CEP290: variants seen among roughly 807,000 people sequenced by gnomAD.
CEP290 encodes the protein centrosomal protein 290.
In CEP290, 317 loss-of-function variants were observed where a neutral mutation model predicts 344.9. The observed-to-expected ratio is 0.92, with a 90% CI of 0.84 to 1.01. The LOEUF (loss-of-function observed/expected upper bound fraction) is 1.01, where lower values mean the gene tolerates loss of function less well. Among genes scored for constraint, CEP290 ranks in the 50% least tolerant of loss-of-function variants. The pLI, the probability that CEP290 is intolerant of heterozygous loss-of-function variation, is 0.00. For missense variants in CEP290, 2,754 were observed against 2,761.4 expected, an observed-to-expected ratio of 1.00 and a Z score of 0.06; for synonymous variants, 932 against 895.8, an observed-to-expected ratio of 1.04 and a Z score of -0.72.
intron 41 of CEP290, among the ~76,000 whole-genome samples, chr12:88,073,525 A>G (rs1416448309): frequency 6.6e-6 from 1 of 152,220 alleles, no homozygotes; most frequent in African/African-American, 2.4e-5. Context: ...TTATGTAAGT[A>G]GGTAGAGTTT....
Position 88,082,273 on chromosome 12 carries a change from T to C in CEP290, c.5012+758A>G, listed in dbSNP as rs116692525. On this transcript the variant is annotated intron_variant, in intron 37 of 53. Transcript: ENST00000552810. ...ATTATATGACAGACACTCTTATAAG[T>C]GTGTAATCAAAAGTTTTCTATCTGT... Among the ~76,000 whole-genome samples the C allele has an allele frequency of 9.5e-3, 1,443 of 152,354 alleles. 24 individuals are homozygous for C. Among genetic ancestry groups the C allele is most frequent in the African/African-American group, 0.032 (1,348 of 41,590 alleles).
At chr12:88,093,496 G>T in intron 28 of CEP290, 1 of 316,650 alleles carries the variant, frequency 3.2e-6, no homozygotes, top group Non-Finnish European at 5.8e-6. Flanking sequence ...GTTAAATGAA[G>T]GGATGGTGGT....
At chr12:88,068,244 A>G (rs1404693254) in intron 44 of CEP290, among the ~76,000 whole-genome samples, 2 of 152,136 alleles carry the variant, frequency 1.3e-5, no homozygotes, top group African/African-American at 4.8e-5. Flanking sequence ...CTGCTGCTAC[A>G]GCAAAATACA....
At chr12:88,122,668 G>C (rs775441642) in intron 13 of CEP290, among the ~76,000 whole-genome samples, 1 of 152,114 alleles carries the variant, frequency 6.6e-6, no homozygotes. Flanking sequence ...TGACAGCAGA[G>C]ATCAATTGCC....
At chr12:88,097,415 C>G (rs2037509817) in intron 26 of CEP290, among the ~76,000 whole-genome samples, 2 of 151,938 alleles carry the variant, frequency 1.3e-5, no homozygotes, top group Admixed American at 6.6e-5. Flanking sequence ...TTCCGGCCAC[C>G]ATGTGAAGAA....
rs781624373 is a variant in CEP290 at position 88,063,975 on chromosome 12, A to G, written c.6270+6T>C. 1 of 1,585,646 alleles carries G rather than the reference A, an allele frequency of 6.3e-7. No individual in the cohort carries two copies. The highest frequency in any genetic ancestry group is 1.4e-5 in the African/African-American group (1 of 73,608). ...TAGATTTCCTAATAAAAAACATTAA[A>G]TTCACCTTTAATCTTGGCAAATCTT... is the stretch of plus-strand genomic sequence containing the variant. On this transcript the variant is annotated splice_donor_region_variant and intron_variant, in intron 45 of 53. Coordinates refer to ENST00000552810, the MANE Select transcript of CEP290 (RefSeq NM_025114.4).
intron 30 of CEP290, 107 bp from the exon 31 acceptor site, chr12:88,089,594 G>GCGAC: frequency 4.3e-6 from 3 of 702,976 alleles, no homozygotes; most frequent in South Asian, 3.7e-5. Context: ...TAACACAGTG[G>GCGAC]CACATGAGAT....
At chr12:88,072,744 T>C (rs2035476017) in intron 41 of CEP290, among the ~76,000 whole-genome samples, 1 of 152,126 alleles carries the variant, frequency 6.6e-6, no homozygotes, top group Non-Finnish European at 1.5e-5. Context: ...TGCCAAGTAC[T>C]ACTCTAGAGG....
chr12:88,135,215 A>T (rs1460953915), intron 6 of CEP290, among the ~76,000 whole-genome samples: 1 of 152,160 alleles, frequency 6.6e-6, no homozygotes, highest in Non-Finnish European at 1.5e-5. Context: ...AAAGCAACCC[A>T]TACCCATATT....
intron 22 of CEP290, among the ~76,000 whole-genome samples, chr12:88,110,064 G>C (rs1253286895): frequency 6.6e-6 from 1 of 151,952 alleles, no homozygotes; most frequent in Admixed American, 6.6e-5. Flanking sequence ...ATGAATTACT[G>C]TAATTTCCAA....
Position 88,089,478 on chromosome 12 carries a change from C to T in CEP290, c.3583G>A (p.Asp1195Asn). ...MQLLDYQAQS[D>N]EKSLIAKLHQ... Reference sequence around the variant, plus strand: ...AACTTGGCAATGAGCGACTTTTCATCAGACTGTGCCTGATATTAAAAAAAA... The same window carrying T: ...AACTTGGCAATGAGCGACTTTTCATTAGACTGTGCCTGATATTAAAAAAAA... Residue 1195 changes from aspartate (D) to asparagine (N), a missense_variant, in exon 31 of 54, where the codon GAT becomes AAT. Physicochemically the swap from Asp to Asn is conservative, Grantham distance 23. Transcript: ENST00000552810. 8.7e-6 allele frequency: 13 copies of T among 1,495,680 alleles called. No homozygotes were observed. The highest frequency in any genetic ancestry group is 1.1e-5 in the Non-Finnish European group (12 of 1,124,352). 92.7% of individuals were successfully genotyped at this position (1,495,680 alleles called of 1,614,324 possible).
chr12:88,053,344 A>T (rs193201015), intron 52 of CEP290, among the ~76,000 whole-genome samples: 10 of 152,208 alleles, frequency 6.6e-5, no homozygotes, highest in African/African-American at 2.4e-4. Flanking sequence ...GCCTATACTT[A>T]GAAACTGGAA....
At chr12:88,082,989 C>G in intron 37 of CEP290, 42 bp downstream of exon 37, 1 of 1,150,052 alleles carries the variant, frequency 8.7e-7, no homozygotes, top group South Asian at 1.5e-5. Context: ...CATTATATCA[C>G]TTATCATTTG....
chr12:88,105,176 C>G (rs2468253), intron 25 of CEP290, among the ~76,000 whole-genome samples: 118,773 of 152,086 alleles, frequency 0.78, 50,433 homozygotes, highest in East Asian at 0.96. Context: ...ACATCTTATG[C>G]TAGAAAACAA....
chr12:88,117,490 T>C (rs187375755), intron 17 of CEP290, among the ~76,000 whole-genome samples: 1 of 152,226 alleles, frequency 6.6e-6, no homozygotes, highest in Admixed American at 6.5e-5. Flanking sequence ...AATCATGAAG[T>C]TTTTTCTTGA....
intron 27 of CEP290, among the ~76,000 whole-genome samples, 198 bp from the exon 28 acceptor site, chr12:88,094,173 A>T (rs2037260311): frequency 6.6e-6 from 1 of 151,964 alleles, no homozygotes; most frequent in Non-Finnish European, 1.5e-5. Flanking sequence ...ATCTCTGTGG[A>T]ACTTAATGTT....
chr12:88,100,735 A>C (rs2037805449), intron 26 of CEP290, among the ~76,000 whole-genome samples: 1 of 152,124 alleles, frequency 6.6e-6, no homozygotes, highest in Non-Finnish European at 1.5e-5. Context: ...TAGTGTAGAC[A>C]GGAGTGACTT....
Position 88,086,329 on chromosome 12 carries a change from T to C in CEP290, c.4302+62A>G, listed in dbSNP as rs2036569905. On this transcript the variant is annotated intron_variant, in intron 33 of 53. Coordinates refer to ENST00000552810, the MANE Select transcript of CEP290 (RefSeq NM_025114.4). Reference sequence around the variant, plus strand: ...AAAATTACATCTGATACAGGAAATATTTCTGTGAGTTAACACTCTAGACTA... The same window carrying C: ...AAAATTACATCTGATACAGGAAATACTTCTGTGAGTTAACACTCTAGACTA... 7 of 1,455,802 alleles carry C rather than the reference T, an allele frequency of 4.8e-6. No homozygotes were observed. In the South Asian group the frequency reaches 5.4e-5, roughly 11 times the overall value. The allele number at this position is 1,455,802 out of a possible 1,614,324, so 90.2% of individuals were successfully genotyped here.
rs1232167894 is a variant in CEP290, at chr12:88,093,968, T to A, written c.3111A>T (p.Glu1037Asp). 6.2e-7 allele frequency: 1 copy of A among 1,601,900 alleles called. No homozygotes were observed. Among genetic ancestry groups the A allele is most frequent in the East Asian group, 2.2e-5 (1 of 44,744 alleles). Reference protein sequence around the residue: ...AWEQETKLGNESSMDKAKKSI... With the variant: ...AWEQETKLGNDSSMDKAKKSI... ...ATTTCTTTGCCTTATCCATGCTAGA[T>A]TCATTACCTACATGCAATAATATTT... The change falls in exon 28 of 54, where the codon GAA becomes GAT. Residue 1037 changes from glutamate (E) to aspartate (D), a missense_variant. Coordinates refer to ENST00000552810, the MANE Select transcript of CEP290 (RefSeq NM_025114.4).
Sources: allele counts gnomAD v4.1 joint callset (sites outside exome capture counted in the v4.1 genomes callset), GRCh38; gene constraint gnomAD v4.1.1; transcripts MANE v1.5; gene names NCBI Gene and HGNC (gene_info 2026-07-23, HGNC 2026-07-21).